The following FAM107B variants were observed in gnomAD, a reference collection of about 807,000 sequenced individuals.
The protein encoded by FAM107B is protein FAM107B.
A neutral mutation model predicts 31.5 loss-of-function variants in FAM107B; 21 were observed. That is an observed-to-expected ratio of 0.67 (90% confidence interval 0.47 to 0.96). FAM107B has a LOEUF of 0.96. Among genes scored for constraint, FAM107B ranks in the 40% least tolerant of loss-of-function variants. The pLI, the probability that FAM107B is intolerant of heterozygous loss-of-function variation, is 0.00. For missense variants in FAM107B, 452 were observed against 377.1 expected, an observed-to-expected ratio of 1.20 and a Z score of -1.64; for synonymous variants, 157 against 141.5, an observed-to-expected ratio of 1.11 and a Z score of -0.78.
At chr10:14,578,926 G>C (rs56407448) in intron 2 of FAM107B, among the ~76,000 whole-genome samples, 17,522 of 152,066 alleles carry the variant, frequency 0.12, 1,126 homozygotes, top group Non-Finnish European at 0.15. Context: ...AAAAAGTATA[G>C]CATGTTTTCG....
At position 14,586,367 on chromosome 10, in the gene FAM107B, A is replaced by AG. The variant is rs139702069; in HGVS notation, c.470-55853dup. On this transcript the variant is annotated intron_variant, in intron 2 of 4. Transcript: ENST00000181796. The stretch of plus-strand genomic sequence containing the variant: ...TGAGATGAGAATCCTGCCTGCCCAT[A>AG]GACTTGAAGCCTCTGCTCACCTTGG... Among the ~76,000 whole-genome samples, 1,144 of 152,330 alleles carry AG rather than the reference A, an allele frequency of 7.5e-3. 16 individuals are homozygous for AG. The highest frequency in any genetic ancestry group is 0.027 in the African/African-American group (1,105 of 41,568).
intron 1 of FAM107B, among the ~76,000 whole-genome samples, chr10:14,694,347 G>T (rs780539808): frequency 3.3e-5 from 5 of 152,104 alleles, no homozygotes; most frequent in Non-Finnish European, 5.9e-5. Flanking sequence ...GTACATAAGG[G>T]TTCCCTTTTC....
chr10:14,638,764 T>C (rs903590952), intron 2 of FAM107B, among the ~76,000 whole-genome samples: 13 of 152,180 alleles, frequency 8.5e-5, no homozygotes, highest in Admixed American at 1.3e-4. Context: ...AATATCCCCC[T>C]AGTTTAGGCT....
chr10:14,556,751 T>C (rs371433572), intron 2 of FAM107B, among the ~76,000 whole-genome samples: 38 of 152,360 alleles, frequency 2.5e-4, no homozygotes, highest in African/African-American at 7.5e-4. Context: ...GTTTTCGTTA[T>C]TGAATAGAAA....
chr10:14,668,437 T>C (rs1854462884), intron 1 of FAM107B, among the ~76,000 whole-genome samples: 1 of 152,186 alleles, frequency 6.6e-6, no homozygotes, highest in Non-Finnish European at 1.5e-5. Flanking sequence ...TCATGTACTT[T>C]CGAAAGTTCC....
At chr10:14,529,392 T>C (rs1258115187) in intron 3 of FAM107B, 4 of 152,202 alleles carry the variant, frequency 2.6e-5, no homozygotes, top group African/African-American at 7.2e-5. Context: ...CTGGGATAGA[T>C]AGGAGTCATT....
intron 2 of FAM107B, among the ~76,000 whole-genome samples, chr10:14,657,969 C>A (rs1387674320): frequency 6.6e-6 from 1 of 152,078 alleles, no homozygotes; most frequent in African/African-American, 2.4e-5. Context: ...CACCACCACA[C>A]CCGGCTAATG....
chr10:14,679,878 G>A (rs1029435202), intron 1 of FAM107B, among the ~76,000 whole-genome samples: 3 of 152,194 alleles, frequency 2.0e-5, no homozygotes, highest in Admixed American at 6.5e-5. Context: ...TCAGTCTTCC[G>A]GCCTCCATCT....
chr10:14,736,088 C>T (rs1336304018), intron 1 of FAM107B, among the ~76,000 whole-genome samples: 1 of 152,062 alleles, frequency 6.6e-6, no homozygotes, highest in African/African-American at 2.4e-5. Context: ...AGATGGAAGT[C>T]CTAAAAGATG....
chr10:14,544,011 G>A (rs1421137320), intron 2 of FAM107B, among the ~76,000 whole-genome samples: 2 of 152,120 alleles, frequency 1.3e-5, no homozygotes, highest in South Asian at 4.1e-4. Flanking sequence ...CCTACATTGA[G>A]TAAGTTTTTA....
intron 2 of FAM107B, among the ~76,000 whole-genome samples, chr10:14,567,023 G>C (rs868759156): frequency 1.3e-5 from 2 of 152,194 alleles, no homozygotes; most frequent in African/African-American, 4.8e-5. Context: ...CATGGTGGCG[G>C]ACGCCTGTAG....
At chr10:14,571,872 C>T (rs1374262633) in intron 2 of FAM107B, 3 of 985,320 alleles carry the variant, frequency 3.0e-6, no homozygotes, top group Non-Finnish European at 3.6e-6. Flanking sequence ...CCATCCATGT[C>T]ACCCATCAAG....
intron 2 of FAM107B, among the ~76,000 whole-genome samples, chr10:14,617,719 A>G (rs1407091828): frequency 6.6e-6 from 1 of 151,452 alleles, no homozygotes; most frequent in Non-Finnish European, 1.5e-5. Context: ...TCAGGAGTAA[A>G]GAATAAACAA....
At chr10:14,604,298 G>A (rs1401030062) in intron 2 of FAM107B, 2 of 977,640 alleles carry the variant, frequency 2.0e-6, no homozygotes, top group Non-Finnish European at 2.4e-6. Flanking sequence ...CGCCCGCGGC[G>A]GCGCCCAGCG....
chr10:14,595,839 G>T (rs1346377381), intron 2 of FAM107B, among the ~76,000 whole-genome samples: 2 of 152,140 alleles, frequency 1.3e-5, no homozygotes, highest in Non-Finnish European at 2.9e-5. Flanking sequence ...TTTCTCTCTT[G>T]TATCAACTCC....
chr10:14,648,677 G>T (rs1426876178), intron 2 of FAM107B, among the ~76,000 whole-genome samples: 1 of 152,204 alleles, frequency 6.6e-6, no homozygotes, highest in African/African-American at 2.4e-5. Flanking sequence ...GTGGCAAACA[G>T]TGACACACCC....
chr10:14,525,545 A>G (rs966746896), intron 3 of FAM107B, among the ~76,000 whole-genome samples: 2 of 152,226 alleles, frequency 1.3e-5, no homozygotes, highest in Non-Finnish European at 2.9e-5. Flanking sequence ...TATGCAAAGT[A>G]GAGACCCTGT....
rs779279385 is a variant in FAM107B, at chr10:14,774,243, A to G, written c.411+10T>C. ...TCCCGTCTATAATCGCAGAGCGAAC[A>G]CTCACTCACCTTGGGCGTGTCAATA... On this transcript the variant is annotated intron_variant, in intron 1 of 4. Coordinates refer to ENST00000181796, the MANE Select transcript of FAM107B (RefSeq NM_031453.4). 2 of 1,596,250 alleles carry G rather than the reference A, an allele frequency of 1.3e-6. No homozygotes were observed. Among genetic ancestry groups the G allele is most frequent in the South Asian group, 2.2e-5 (2 of 89,170 alleles).
At chr10:14,698,558 G>C (rs1424715159) in intron 1 of FAM107B, among the ~76,000 whole-genome samples, 1 of 152,270 alleles carries the variant, frequency 6.6e-6, no homozygotes, top group Non-Finnish European at 1.5e-5. Flanking sequence ...GAGCCATATA[G>C]CAGCCCCTTG....
Sources: allele counts gnomAD v4.1 joint callset (sites outside exome capture counted in the v4.1 genomes callset), GRCh38; gene constraint gnomAD v4.1.1; transcripts MANE v1.5; gene names NCBI Gene and HGNC (gene_info 2026-07-23, HGNC 2026-07-21).